Variants in ENPP3 observed in about 807,000 individuals in gnomAD.
ENPP3 encodes the protein ectonucleotide pyrophosphatase/phosphodiesterase family member 3.
Under a neutral mutation model 117.8 loss-of-function variants are expected in ENPP3, and 104 were observed. The observed-to-expected ratio is 0.88, with a 90% CI of 0.75 to 1.04. ENPP3 has a LOEUF of 1.04. Among genes scored for constraint, ENPP3 ranks in the 50% least tolerant of loss-of-function variants. The pLI is 0.00. For synonymous variants in ENPP3, 380 were observed against 349.9 expected, an observed-to-expected ratio of 1.09 and a Z score of -0.96; for missense variants, 1,026 against 1,051.9, an observed-to-expected ratio of 0.98 and a Z score of 0.34.
chr6:131,739,197 T>G (rs1476586127), intron 23 of ENPP3, among the ~76,000 whole-genome samples: 1 of 152,240 alleles, frequency 6.6e-6, no homozygotes, highest in Non-Finnish European at 1.5e-5. Flanking sequence ...AGCCTGGCTC[T>G]GAGTCCATGT....
At chr6:131,722,003 GTGCAC>G (rs1330758575) in intron 17 of ENPP3, among the ~76,000 whole-genome samples, 1 of 152,168 alleles carries the variant, frequency 6.6e-6, no homozygotes, top group African/African-American at 2.4e-5. Context: ...GGGACTACAG[GTGCAC>G]TGCCGCACCT....
Position 131,654,139 on chromosome 6 carries a change from ATT to A in ENPP3, c.464+1249_464+1250del, listed in dbSNP as rs1778329082. The stretch of plus-strand genomic sequence containing the variant: ...TATTATTATTATTATTATTATTATT[ATT>A]ATTATTACGAGATAGGGTCTCACTC... On this transcript the variant is annotated intron_variant, in intron 5 of 24. Coordinates refer to ENST00000357639, the MANE Select transcript of ENPP3 (RefSeq NM_005021.5). 2.0e-5 allele frequency among the ~76,000 whole-genome samples: 3 copies of A among 149,260 alleles called. No individual in the cohort carries two copies. The South Asian group carries it at 6.3e-4, about 32-fold the overall frequency.
rs117546590 is a variant in ENPP3, at chr6:131,724,565, C to T, written c.1798+474C>T. ...CTGGCCTGTAGCAATATTATTATTA[C>T]CTGTTATCTTTTAAGTATTCTTGTA... On this transcript the variant is annotated intron_variant, in intron 19 of 24. Transcript: ENST00000357639. Among the ~76,000 whole-genome samples the T allele has an allele frequency of 1.2e-3, 186 of 152,248 alleles. 2 individuals are homozygous for T. In the East Asian group the frequency reaches 0.022, roughly 18 times the overall value.
At chr6:131,652,792 C>A in intron 4 of ENPP3, 39 bp from the exon 5 acceptor site, 1 of 1,594,322 alleles carries the variant, frequency 6.3e-7, no homozygotes, top group Non-Finnish European at 8.6e-7. Flanking sequence ...TCTGTCTGTG[C>A]TGCAGCAAGT....
Position 131,720,305 on chromosome 6 carries a change from C to T in ENPP3, c.1493C>T (p.Ala498Val). 6.3e-7 allele frequency: 1 copy of T among 1,591,072 alleles called. No individual in the cohort carries two copies. Among genetic ancestry groups the T allele is most frequent in the East Asian group, 2.3e-5 (1 of 44,238 alleles). The change falls in exon 17 of 25, where the codon GCA becomes GTA. Residue 498 changes from alanine (A) to valine (V), a missense_variant. Physicochemically the swap from Ala to Val is moderately conservative, Grantham distance 64. Coordinates refer to ENST00000357639, the MANE Select transcript of ENPP3 (RefSeq NM_005021.5). Reference protein sequence around the residue: ...EFRSMEAIFLAHGPSFKEKTE... With the variant: ...EFRSMEAIFLVHGPSFKEKTE... Reference sequence around the variant, plus strand: ...ATTATGACCTAGGCTATCTTTCTGGCACATGGACCCAGTTTTAAAGAGAAG... The same window carrying T: ...ATTATGACCTAGGCTATCTTTCTGGTACATGGACCCAGTTTTAAAGAGAAG...
At chr6:131,690,618 G>A (rs1779256408) in intron 14 of ENPP3, among the ~76,000 whole-genome samples, 1 of 152,090 alleles carries the variant, frequency 6.6e-6, no homozygotes, top group African/African-American at 2.4e-5. Context: ...TATCTCCAAG[G>A]TATGCCTGTG....
At chr6:131,684,483 C>A (rs1424568937) in intron 12 of ENPP3, among the ~76,000 whole-genome samples, 1 of 152,076 alleles carries the variant, frequency 6.6e-6, no homozygotes, top group African/African-American at 2.4e-5. Flanking sequence ...AGTTCGAGAC[C>A]AGCCTGGCCA....
intron 11 of ENPP3, among the ~76,000 whole-genome samples, chr6:131,679,089 T>TC (rs1778965170): frequency 1.7e-4 from 14 of 80,524 alleles, no homozygotes; most frequent in African/African-American, 7.9e-4. Flanking sequence ...TTCTTTCTTT[T>TC]CTTCTTTCTT....
rs545032938 is a variant in ENPP3 at position 131,654,715 on chromosome 6, T to C, written c.464+1824T>C. On this transcript the variant is annotated intron_variant, in intron 5 of 24. Coordinates refer to ENST00000357639, the MANE Select transcript of ENPP3 (RefSeq NM_005021.5). ...ATCTTGGCCTCCCAAAGTGCTGGGA[T>C]TACAGGCAAGACCTGCTGTGTCTGG... 4.1e-4 allele frequency among the ~76,000 whole-genome samples: 62 copies of C among 152,136 alleles called. 1 individual carries two copies. Among genetic ancestry groups the C allele is most frequent in the Admixed American group, 3.7e-3 (56 of 15,278 alleles).
intron 6 of ENPP3, among the ~76,000 whole-genome samples, chr6:131,661,663 G>A (rs1164235096): frequency 6.6e-6 from 1 of 152,008 alleles, no homozygotes; most frequent in Non-Finnish European, 1.5e-5. Context: ...TTGGATATTT[G>A]TATGTCTTTA....
chr6:131,693,419 A>G, intron 14 of ENPP3, 78 bp from the exon 15 acceptor site: 1 of 1,318,848 alleles, frequency 7.6e-7, no homozygotes, highest in Non-Finnish European at 1.1e-6. Flanking sequence ...GTGCTTCATA[A>G]ATTGATGTAG....
intron 2 of ENPP3, among the ~76,000 whole-genome samples, chr6:131,646,163 T>C (rs916285492): frequency 6.6e-6 from 1 of 152,168 alleles, no homozygotes; most frequent in African/African-American, 2.4e-5. Context: ...ACTTCCCTCA[T>C]ATTTTTACTT....
intron 6 of ENPP3, among the ~76,000 whole-genome samples, chr6:131,664,423 C>G (rs1258487583): frequency 6.6e-6 from 1 of 151,924 alleles, no homozygotes; most frequent in Non-Finnish European, 1.5e-5. Context: ...ACAAGAGAGT[C>G]AAAGAGTTAA....
chr6:131,656,616 A>C (rs1180308184), intron 5 of ENPP3, among the ~76,000 whole-genome samples: 13 of 151,966 alleles, frequency 8.6e-5, no homozygotes, highest in Admixed American at 8.5e-4. Context: ...AAATACAAAA[A>C]ATTAGCCGGG....
chr6:131,733,645 G>C lies in ENPP3; in HGVS notation c.2011G>C (p.Val671Leu), dbSNP rs1272437157. Residue 671 changes from valine (V) to leucine (L), a missense_variant, in exon 21 of 25, where the codon GTT becomes CTT. Physicochemically the swap from Val to Leu is conservative, Grantham distance 32. Coordinates refer to ENST00000357639, the MANE Select transcript of ENPP3 (RefSeq NM_005021.5). Reference sequence around the variant, plus strand: ...AGACTGTCTGCGGGCTGATGTCAGGGTTCCTCCTTCTGAGAGCCAAAAATG... The same window carrying C: ...AGACTGTCTGCGGGCTGATGTCAGGCTTCCTCCTTCTGAGAGCCAAAAATG... The part of the protein sequence containing the change: ...VPDCLRADVR[V>L]PPSESQKCSF... 5 of 1,613,990 alleles carry C rather than the reference G, an allele frequency of 3.1e-6. No individual in the cohort carries two copies. The African/African-American group carries it at 6.7e-5, about 22-fold the overall frequency.
intron 6 of ENPP3, among the ~76,000 whole-genome samples, chr6:131,669,655 C>CAAAAAAAAAAAAAAAAAAAAA: frequency 1.6e-5 from 1 of 61,710 alleles, no homozygotes; most frequent in Non-Finnish European, 2.8e-5. Flanking sequence ...GACTCCATCT[C>CAAAAAAAAAAAAAAAAAAAAA]AAAAAAAAAA....
intron 14 of ENPP3, among the ~76,000 whole-genome samples, chr6:131,691,755 G>A (rs1258202272): frequency 4.6e-5 from 7 of 152,144 alleles, no homozygotes; most frequent in Non-Finnish European, 8.8e-5. Context: ...GTCCAGGAAA[G>A]TGTGACAATT....
At chr6:131,673,138 A>G (rs1335024012) in intron 7 of ENPP3, among the ~76,000 whole-genome samples, 1 of 152,224 alleles carries the variant, frequency 6.6e-6, no homozygotes, top group Non-Finnish European at 1.5e-5. Context: ...CACCATCAGC[A>G]CAAGCTATCA....
At chr6:131,738,009 C>T (rs1780436745) in intron 22 of ENPP3, 22 bp from the exon 23 acceptor site, 1 of 1,538,844 alleles carries the variant, frequency 6.5e-7, no homozygotes, top group East Asian at 2.3e-5. Flanking sequence ...ACATTTTAAA[C>T]ACTTTATGAT....
Sources: gnomAD v4.1 joint callset for allele counts (sites outside exome capture counted in the v4.1 genomes callset) on GRCh38, gnomAD v4.1.1 for gene constraint, MANE v1.5 for transcripts, NCBI Gene and HGNC (gene_info 2026-07-23, HGNC 2026-07-21) for gene names.